Variants in CYYR1 observed in about 807,000 individuals in gnomAD.
CYYR1 encodes the protein cysteine and tyrosine-rich protein 1.
CYYR1 carries 14 observed loss-of-function variants against 15.2 expected under a neutral mutation model. The ratio of observed to expected loss-of-function variants is 0.92; its 90% CI spans 0.61 to 1.44. The LOEUF (loss-of-function observed/expected upper bound fraction) is 1.44, where lower values mean the gene tolerates loss of function less well. CYYR1 is among the 40% of genes most tolerant of loss of function. The pLI is 0.00. For missense variants in CYYR1, 228 were observed against 209.5 expected (o/e 1.09, Z -0.54); for synonymous variants, 80 against 77.4 (o/e 1.03, Z -0.18).
At chr21:26,532,861 T>A (rs1333034780) in intron 2 of CYYR1, among the ~76,000 whole-genome samples, 2 of 152,158 alleles carry the variant, frequency 1.3e-5, no homozygotes, top group Non-Finnish European at 2.9e-5. Flanking sequence ...GATGGTTCAA[T>A]GTACACAAAC....
At chr21:26,486,930 C>T (rs936288013) in intron 2 of CYYR1, among the ~76,000 whole-genome samples, 5 of 151,846 alleles carry the variant, frequency 3.3e-5, no homozygotes, top group Admixed American at 6.6e-5. Context: ...ATCTTCTTCT[C>T]GGATACGACC....
intron 3 of CYYR1, among the ~76,000 whole-genome samples, chr21:26,479,359 A>G (rs1239433041): frequency 6.6e-6 from 1 of 152,116 alleles, no homozygotes; most frequent in East Asian, 1.9e-4. Flanking sequence ...ATACAAATAC[A>G]AAGCACAGTT....
At chr21:26,496,277 A>C (rs577275852) in intron 2 of CYYR1, among the ~76,000 whole-genome samples, 36 of 152,344 alleles carry the variant, frequency 2.4e-4, no homozygotes, top group African/African-American at 8.7e-4. Flanking sequence ...GCTTTGTCTC[A>C]ATAGAAATTG....
Position 26,477,860 on chromosome 21 carries a change from C to T in CYYR1, c.334+2412G>A. The T allele has an allele frequency of 8.1e-6, 10 of 1,235,668 alleles. No homozygotes were observed. In the South Asian group the frequency reaches 3.7e-4, roughly 46 times the overall value. 76.5% of individuals were successfully genotyped at this position (1,235,668 alleles called of 1,614,324 possible). Reference sequence around the variant, plus strand: ...TAAAAATAATTCCATCTATTTTTTTCCTTATATTCCAACATCTTTACAGTA... The same window carrying T: ...TAAAAATAATTCCATCTATTTTTTTTCTTATATTCCAACATCTTTACAGTA... On this transcript the variant is annotated intron_variant, in intron 3 of 3. Transcript: ENST00000652641.
intron 2 of CYYR1, among the ~76,000 whole-genome samples, chr21:26,549,445 G>A (rs542556459): frequency 4.6e-4 from 70 of 152,008 alleles, no homozygotes; most frequent in African/African-American, 1.4e-3. Flanking sequence ...ACACCTCATC[G>A]GACTGTACAT....
intron 2 of CYYR1, among the ~76,000 whole-genome samples, chr21:26,503,032 C>G (rs1426835071): frequency 6.6e-6 from 1 of 152,108 alleles, no homozygotes; most frequent in Admixed American, 6.6e-5. Context: ...AAGGAAAATG[C>G]AAGTAGATGG....
chr21:26,483,269 C>G (rs1403629733), intron 2 of CYYR1: 1 of 176,026 alleles, frequency 5.7e-6, no homozygotes, highest in Non-Finnish European at 1.1e-5. Flanking sequence ...TTTGAAAGCA[C>G]CAATGATATA....
chr21:26,505,581 C>T (rs576875485), intron 2 of CYYR1, among the ~76,000 whole-genome samples: 28 of 152,290 alleles, frequency 1.8e-4, no homozygotes, highest in African/African-American at 6.3e-4. Context: ...ACCAGAGTGC[C>T]TGGAACATTA....
At chr21:26,518,561 T>A (rs1232859141) in intron 2 of CYYR1, 1 of 152,562 alleles carries the variant, frequency 6.6e-6, no homozygotes, top group East Asian at 1.9e-4. Context: ...GCTTCCAGAA[T>A]CATGAGCCAA....
At chr21:26,543,088 A>G (rs1205906727) in intron 2 of CYYR1, among the ~76,000 whole-genome samples, 1 of 152,202 alleles carries the variant, frequency 6.6e-6, no homozygotes, top group Admixed American at 6.5e-5. Context: ...CAGAAAACCA[A>G]ACACTGCATG....
intron 2 of CYYR1, chr21:26,564,539 G>T (rs903606728): frequency 5.0e-6 from 2 of 398,618 alleles, no homozygotes; most frequent in Non-Finnish European, 6.8e-6. Flanking sequence ...TAAAGATATA[G>T]AACATGTACC....
At chr21:26,517,533 A>C (rs2065748151) in intron 2 of CYYR1, among the ~76,000 whole-genome samples, 1 of 152,148 alleles carries the variant, frequency 6.6e-6, no homozygotes, top group South Asian at 2.1e-4. Context: ...AATGGGGAGG[A>C]GAATTCCAAA....
chr21:26,559,805 G>C (rs745831072), intron 2 of CYYR1, among the ~76,000 whole-genome samples: 1 of 152,006 alleles, frequency 6.6e-6, no homozygotes, highest in Non-Finnish European at 1.5e-5. Context: ...AAATTCTTTT[G>C]GTTTATCCAT....
chr21:26,534,751 A>G (rs1210019883), intron 2 of CYYR1, among the ~76,000 whole-genome samples: 1 of 152,070 alleles, frequency 6.6e-6, no homozygotes, highest in Non-Finnish European at 1.5e-5. Context: ...ATATTGCACC[A>G]TATTTTCTTG....
At chr21:26,548,534 A>C (rs1179853051) in intron 2 of CYYR1, among the ~76,000 whole-genome samples, 1 of 152,172 alleles carries the variant, frequency 6.6e-6, no homozygotes, top group Admixed American at 6.5e-5. Flanking sequence ...TTTTATAGAG[A>C]TGAAGTCTTG....
chr21:26,541,308 AT>A (rs1978535721), intron 2 of CYYR1, among the ~76,000 whole-genome samples: 1 of 152,172 alleles, frequency 6.6e-6, no homozygotes, highest in African/African-American at 2.4e-5. Context: ...CACCTTGAAA[AT>A]ATCACAATTC....
intron 2 of CYYR1, among the ~76,000 whole-genome samples, chr21:26,546,463 T>C (rs551197393): frequency 1.1e-4 from 16 of 152,322 alleles, no homozygotes; most frequent in African/African-American, 3.8e-4. Context: ...TGGTGGGCTG[T>C]TGATCATGCT....
At chr21:26,512,150 T>C (rs2065656621) in intron 2 of CYYR1, among the ~76,000 whole-genome samples, 1 of 152,152 alleles carries the variant, frequency 6.6e-6, no homozygotes, top group African/African-American at 2.4e-5. Context: ...TCCACCATGG[T>C]CCATGTGTCT....
intron 2 of CYYR1, among the ~76,000 whole-genome samples, chr21:26,485,964 C>T (rs1174261579): frequency 6.6e-6 from 1 of 152,038 alleles, no homozygotes; most frequent in African/African-American, 2.4e-5. Context: ...TGTTTTTTAG[C>T]TGTTTTAACG....
Sources: gnomAD v4.1 joint callset for allele counts (sites outside exome capture counted in the v4.1 genomes callset) on GRCh38, gnomAD v4.1.1 for gene constraint, MANE v1.5 for transcripts, NCBI Gene and HGNC (gene_info 2026-07-23, HGNC 2026-07-21) for gene names.